Variants in DLG2 observed in about 807,000 individuals in gnomAD.
The protein encoded by DLG2 is disks large homolog 2.
In DLG2, 45 loss-of-function variants were observed where a neutral mutation model predicts 132.5. The ratio of observed to expected loss-of-function variants is 0.34; its 90% confidence interval spans 0.27 to 0.44. The LOEUF is 0.44. Among genes scored for constraint, DLG2 ranks in the 20% least tolerant of loss-of-function variants. The pLI is 1.00. For synonymous variants in DLG2, 424 were observed against 419.6 expected, an observed-to-expected ratio of 1.01 and a Z score of -0.13; for missense variants, 1,045 against 1,196.9, an observed-to-expected ratio of 0.87 and a Z score of 1.87.
chr11:85,418,418 G>C (rs1345073193), intron 3 of DLG2, among the ~76,000 whole-genome samples: 2 of 152,180 alleles, frequency 1.3e-5, no homozygotes, highest in African/African-American at 4.8e-5. Context: ...TGTATATTCT[G>C]TTGATTTGGG....
At chr11:83,757,405 C>T (rs2153748153) in intron 18 of DLG2, among the ~76,000 whole-genome samples, 1 of 152,340 alleles carries the variant, frequency 6.6e-6, no homozygotes, top group East Asian at 1.9e-4. Context: ...AAAGTCATCA[C>T]TTAACAAAGA....
At chr11:84,290,605 T>C (rs1250400302) in intron 7 of DLG2, among the ~76,000 whole-genome samples, 1 of 152,156 alleles carries the variant, frequency 6.6e-6, no homozygotes, top group East Asian at 1.9e-4. Flanking sequence ...AAATTCTTCA[T>C]GTACTAGGTC....
intron 7 of DLG2, among the ~76,000 whole-genome samples, chr11:84,526,855 T>G (rs867147032): frequency 2.1e-5 from 3 of 144,660 alleles, no homozygotes; most frequent in African/African-American, 7.7e-5. Context: ...CTCGGCTCAC[T>G]GCAAGCTCCG....
intron 6 of DLG2, among the ~76,000 whole-genome samples, chr11:84,849,972 G>T (rs968557832): frequency 1.3e-5 from 2 of 152,032 alleles, no homozygotes; most frequent in African/African-American, 4.8e-5. Flanking sequence ...ATATCTAACT[G>T]CCTCCAGAAA....
At chr11:85,371,370 G>T in intron 3 of DLG2, among the ~76,000 whole-genome samples, 1 of 152,112 alleles carries the variant, frequency 6.6e-6, no homozygotes, top group East Asian at 1.9e-4. Context: ...ATTGAGTAAG[G>T]TATACTCCTA....
chr11:84,892,543 T>G (rs944871922), intron 6 of DLG2, among the ~76,000 whole-genome samples: 3 of 152,138 alleles, frequency 2.0e-5, no homozygotes, highest in Non-Finnish European at 4.4e-5. Context: ...TTTCTAAATT[T>G]ATGCTTATAG....
In DLG2 at chr11:85,087,348, G is replaced by C. The variant is rs182036282; in HGVS notation, c.357+24313C>G. Among the ~76,000 whole-genome samples the C allele has an allele frequency of 5.3e-5, 8 of 152,318 alleles. No homozygotes were observed. The East Asian group carries it at 1.5e-3, about 29-fold the overall frequency. On this transcript the variant is annotated intron_variant, in intron 6 of 27. Coordinates refer to ENST00000376104, the MANE Select transcript of DLG2 (RefSeq NM_001142699.3). ...TGGATAGAGAAGCCATCTCTAAAAT[G>C]ATTAACACTTAAGTTAAAATGTAAA...
chr11:84,156,635 C>T (rs933262006), intron 9 of DLG2, among the ~76,000 whole-genome samples: 12 of 152,186 alleles, frequency 7.9e-5, no homozygotes, highest in Non-Finnish European at 1.8e-4. Flanking sequence ...AAAATCTGAA[C>T]CATTTCCTGA....
intron 4 of DLG2, among the ~76,000 whole-genome samples, chr11:85,216,506 G>T (rs1241817375): frequency 2.0e-5 from 3 of 152,250 alleles, no homozygotes; most frequent in East Asian, 3.9e-4. Flanking sequence ...AGTTATGGGA[G>T]ATTCCTAGGA....
At chr11:83,928,492 G>T (rs1039960642) in intron 15 of DLG2, among the ~76,000 whole-genome samples, 1 of 151,528 alleles carries the variant, frequency 6.6e-6, no homozygotes, top group African/African-American at 2.4e-5. Context: ...AAGGAACACA[G>T]GATAAAAAGA....
chr11:84,260,200 G>A (rs1442156446), intron 7 of DLG2, among the ~76,000 whole-genome samples: 1 of 152,118 alleles, frequency 6.6e-6, no homozygotes, highest in Non-Finnish European at 1.5e-5. Context: ...AGAAAGTAGA[G>A]ACCAGTAGAT....
chr11:83,678,706 G>A (rs1043169131), intron 18 of DLG2, among the ~76,000 whole-genome samples: 2 of 152,168 alleles, frequency 1.3e-5, no homozygotes, highest in African/African-American at 4.8e-5. Context: ...ATCTAAGTGA[G>A]CCCATCCTCT....
At chr11:83,804,490 T>G (rs2045375000) in intron 17 of DLG2, among the ~76,000 whole-genome samples, 1 of 151,608 alleles carries the variant, frequency 6.6e-6, no homozygotes, top group African/African-American at 2.4e-5. Context: ...TCATAAAGAT[T>G]CAACAGTTCT....
At chr11:84,496,472 T>C (rs2099184331) in intron 7 of DLG2, among the ~76,000 whole-genome samples, 1 of 152,130 alleles carries the variant, frequency 6.6e-6, no homozygotes, top group Non-Finnish European at 1.5e-5. Context: ...TCAATGATCA[T>C]AACTTTTATG....
intron 11 of DLG2, among the ~76,000 whole-genome samples, chr11:84,016,652 A>G (rs1190117849): frequency 6.6e-6 from 1 of 152,112 alleles, no homozygotes; most frequent in African/African-American, 2.4e-5. Context: ...TGATGATCAG[A>G]TGGTTGTAGG....
At chr11:84,946,035 T>C (rs551903997) in intron 6 of DLG2, among the ~76,000 whole-genome samples, 1 of 152,234 alleles carries the variant, frequency 6.6e-6, no homozygotes, top group East Asian at 1.9e-4. Flanking sequence ...ACTTCCAATG[T>C]TCACTCAAGG....
intron 7 of DLG2, among the ~76,000 whole-genome samples, chr11:84,427,715 C>T (rs1173811328): frequency 6.6e-6 from 1 of 151,468 alleles, no homozygotes; most frequent in African/African-American, 2.5e-5. Context: ...TTCCTTTCCA[C>T]AGAAAATACA....
intron 6 of DLG2, among the ~76,000 whole-genome samples, chr11:85,019,355 T>C (rs1295396194): frequency 6.6e-5 from 10 of 152,180 alleles, no homozygotes; most frequent in South Asian, 2.1e-4. Context: ...AGGGGAACAC[T>C]GAGCATGTGC....
intron 8 of DLG2, 24 bp downstream of exon 8, chr11:84,251,214 G>T (rs372198779): frequency 1.4e-6 from 2 of 1,479,770 alleles, no homozygotes; most frequent in Non-Finnish European, 1.8e-6. Context: ...TTTAAAAGAA[G>T]GTAGTAATGA....
Sources: allele counts gnomAD v4.1 joint callset (sites outside exome capture counted in the v4.1 genomes callset), GRCh38; gene constraint gnomAD v4.1.1; transcripts MANE v1.5; gene names NCBI Gene and HGNC (gene_info 2026-07-23, HGNC 2026-07-21).